The following MILR1 variants were observed in gnomAD, a reference collection of about 807,000 sequenced individuals.
The protein encoded by MILR1 is mast cell immunoglobulin like receptor 1.
Under a neutral mutation model 18.5 loss-of-function variants are expected in MILR1, and 31 were observed. The ratio of observed to expected loss-of-function variants is 1.68; its 90% confidence interval spans 1.26 to 2.26. The LOEUF (loss-of-function observed/expected upper bound fraction) is 2.26, where lower values mean the gene tolerates loss of function less well. MILR1 is among the 30% of genes most tolerant of loss of function. The probability of loss-of-function intolerance (pLI) is 0.00; values close to 1 mark genes in which losing one functional copy is unlikely to be tolerated. For synonymous variants in MILR1, 85 were observed against 56.2 expected, an observed-to-expected ratio of 1.51 and a Z score of -2.30; for missense variants, 257 against 157.4, an observed-to-expected ratio of 1.63 and a Z score of -3.38.
At chr17:64,477,008 CA>C in the MILR1 span, among the ~76,000 whole-genome samples, 1 of 152,058 alleles carries the variant, frequency 6.6e-6, no homozygotes, top group Admixed American at 6.5e-5. Flanking sequence ...TTCTTATAAA[CA>C]TAGATATTAG....
At chr17:64,475,808 C>CTTTTT in the MILR1 span, among the ~76,000 whole-genome samples, 7 of 102,500 alleles carry the variant, frequency 6.8e-5, no homozygotes, top group Non-Finnish European at 1.2e-4. Context: ...CTACCACTTC[C>CTTTTT]TTTTTTTTTT....
At chr17:64,467,892 G>A in intron 9 of MILR1, 1 of 299,298 alleles carries the variant, frequency 3.3e-6, no homozygotes. Flanking sequence ...CCAAGATCGT[G>A]CCACTGCACT....
chr17:64,463,817 ATTTTTTTTTT>A lies in MILR1; in HGVS notation c.764-1620_764-1611del, dbSNP rs1200586705. Reference sequence around the variant, plus strand: ...AGGTATGCACCACAACTCCTGGCTAATTTTTTTTTTTTTTTTTTTTTTTTGAGGCAGAGTC... The same window carrying A: ...AGGTATGCACCACAACTCCTGGCTAATTTTTTTTTTTTTTGAGGCAGAGTC... On this transcript the variant is annotated intron_variant, in intron 5 of 9. Transcript: ENST00000619286. Among the ~76,000 whole-genome samples the A allele has an allele frequency of 9.1e-3, 945 of 103,934 alleles. 12 individuals carry two copies. The highest frequency in any genetic ancestry group is 0.036 in the African/African-American group (899 of 24,848). 68.2% of individuals were successfully genotyped at this position (103,934 alleles called of 152,430 possible).
Position 64,460,823 on chromosome 17 carries a change from C to T in MILR1, c.654C>T (p.Gly218=), listed in dbSNP as rs2037414294. 10 of 474,846 alleles carry T rather than the reference C, an allele frequency of 2.1e-5. No homozygotes were observed. The highest frequency in any genetic ancestry group is 3.5e-5 in the Non-Finnish European group (9 of 258,748). The allele number at this position is 474,846 out of a possible 1,614,324, so 29.4% of individuals were successfully genotyped here. A position where few individuals can be genotyped will look rare whatever the true frequency, so the allele number is the denominator to read the frequency against. ...CCAATGGATGCGGTCTTCTTCCAGG[C>T]GGAGACAGCTGTCCTTTCTGTCTGA... ...YSHPVTMPST[G]GDSCPFCLKL... is the part of the protein sequence containing the mutation. Residue 218 remains glycine, a splice_region_variant and synonymous_variant, in exon 5 of 10, where the codon GGC becomes GGT. Transcript: ENST00000619286.
At chr17:64,488,217 A>T in the MILR1 span, among the ~76,000 whole-genome samples, 1 of 151,510 alleles carries the variant, frequency 6.6e-6, no homozygotes, top group African/African-American at 2.4e-5. Context: ...ATTTTAAAAA[A>T]AGAAAGAAAT....
chr17:64,477,971 A>T, the MILR1 span: 1 of 1,613,934 alleles, frequency 6.2e-7, no homozygotes, highest in Admixed American at 1.7e-5. Flanking sequence ...TGTGAAGAGA[A>T]TACTCATTTC....
At chr17:64,464,333 C>G (rs2037500923) in intron 5 of MILR1, among the ~76,000 whole-genome samples, 1 of 149,804 alleles carries the variant, frequency 6.7e-6, no homozygotes. Flanking sequence ...TAGTCTTGAA[C>G]TCCTGGACTC....
At chr17:64,482,690 GGGTTA>G in the MILR1 span, among the ~76,000 whole-genome samples, 1 of 152,190 alleles carries the variant, frequency 6.6e-6, no homozygotes, top group Non-Finnish European at 1.5e-5. Flanking sequence ...CTTAGAGTAA[GGGTTA>G]GGTTGAGCAT....
chr17:64,467,001 T>C (rs1424749695), intron 8 of MILR1, among the ~76,000 whole-genome samples: 4 of 151,546 alleles, frequency 2.6e-5, no homozygotes, highest in African/African-American at 9.7e-5. Flanking sequence ...CTGTCTCTCT[T>C]TATTTTTTCT....
At chr17:64,496,739 T>C in the MILR1 span, 4 of 1,613,904 alleles carry the variant, frequency 2.5e-6, no homozygotes, top group African/African-American at 1.3e-5. Context: ...ACTTAGGAAA[T>C]GCCTTCTCTG....
the MILR1 span, chr17:64,496,574 T>C: frequency 5.6e-6 from 9 of 1,613,034 alleles, no homozygotes; most frequent in South Asian, 1.1e-5. Context: ...TGGTTTGTGG[T>C]GGAGGGCGTC....
chr17:64,481,138 C>T, the MILR1 span: 5 of 360,722 alleles, frequency 1.4e-5, no homozygotes, highest in East Asian at 6.6e-4. Context: ...CAGCACCCTC[C>T]CACTCTTAGG....
chr17:64,449,217 GTCAC>G lies in MILR1; in HGVS notation c.51_54del (p.Thr18ValfsTer11). Reference sequence around the variant, plus strand: ...CCTCTTCTGGAGCATATTTTCTTCTGTCACTTGTAAGCCCCCCTTATCATTCTGA... The same window carrying G: ...CCTCTTCTGGAGCATATTTTCTTCTGTTGTAAGCCCCCCTTATCATTCTGA... On this transcript the variant is annotated frameshift_variant and splice_region_variant, in exon 1 of 10. Transcript: ENST00000619286. LOFTEE classifies it high-confidence loss of function. 1 of 473,114 alleles carries G rather than the reference GTCAC, an allele frequency of 2.1e-6. No homozygotes were observed. The highest frequency in any genetic ancestry group is 3.9e-6 in the Non-Finnish European group (1 of 258,146). The allele number at this position is 473,114 out of a possible 1,614,324, so 29.3% of individuals were successfully genotyped here.
chr17:64,456,275 G>C (rs887116350), intron 3 of MILR1, among the ~76,000 whole-genome samples: 3 of 151,652 alleles, frequency 2.0e-5, no homozygotes, highest in Non-Finnish European at 4.4e-5. Context: ...ATACTTAACA[G>C]CTTTTCTTCC....
At chr17:64,461,048 G>A (rs1217542835) in intron 5 of MILR1, 116 bp downstream of exon 5, 2 of 410,146 alleles carry the variant, frequency 4.9e-6, no homozygotes, top group Non-Finnish European at 9.0e-6. Flanking sequence ...GGGAGAAAAT[G>A]AAAATAGGAG....
At chr17:64,471,786 T>C (rs1332924515), downstream of MILR1, among the ~76,000 whole-genome samples, 2 of 152,218 alleles carry the variant, frequency 1.3e-5, no homozygotes, top group African/African-American at 4.8e-5. Flanking sequence ...ACCCTGTCTC[T>C]ACAAACATAT....
chr17:64,465,721 T>C (rs1018562571), intron 6 of MILR1, among the ~76,000 whole-genome samples, 180 bp downstream of exon 6: 2 of 152,174 alleles, frequency 1.3e-5, no homozygotes, highest in African/African-American at 2.4e-5. Flanking sequence ...TCCACAGATA[T>C]TCTGTGTGTA....
chr17:64,473,549 G>C (rs1242584280), downstream of MILR1, among the ~76,000 whole-genome samples: 4 of 152,002 alleles, frequency 2.6e-5, no homozygotes, highest in Non-Finnish European at 2.9e-5. Flanking sequence ...CCCACCACCA[G>C]AGACAGTAAC....
chr17:64,490,570 A>G, the MILR1 span: 14 of 537,964 alleles, frequency 2.6e-5, no homozygotes, highest in South Asian at 1.8e-4. Flanking sequence ...AAATGCCATT[A>G]TTGAGATAAT....
Sources: gnomAD v4.1 joint callset for allele counts (sites outside exome capture counted in the v4.1 genomes callset) on GRCh38, gnomAD v4.1.1 for gene constraint, MANE v1.5 for transcripts, NCBI Gene and HGNC (gene_info 2026-07-23, HGNC 2026-07-21) for gene names.